Variants in AFAP1L1 observed in about 807,000 individuals in gnomAD.
The protein encoded by AFAP1L1 is actin filament associated protein 1 like 1, also known as actin filament-associated protein 1-like 1.
Under a neutral mutation model 99.8 loss-of-function variants are expected in AFAP1L1, and 77 were observed. The observed-to-expected ratio is 0.77, with a 90% CI of 0.64 to 0.93. The LOEUF is 0.93. Ranked by LOEUF, AFAP1L1 falls within the 40% of genes least tolerant of loss-of-function variation. The pLI is 0.00. For missense variants in AFAP1L1, 893 were observed against 996.8 expected, an observed-to-expected ratio of 0.90 and a Z score of 1.40; for synonymous variants, 373 against 395.3, an observed-to-expected ratio of 0.94 and a Z score of 0.67.
chr5:149,287,877 C>T (rs1022673849), intron 1 of AFAP1L1, among the ~76,000 whole-genome samples: 5 of 152,030 alleles, frequency 3.3e-5, no homozygotes, highest in Non-Finnish European at 7.4e-5. Flanking sequence ...CCACCTCACC[C>T]GGCCATGAGG....
intron 1 of AFAP1L1, among the ~76,000 whole-genome samples, chr5:149,285,270 T>C (rs1755642110): frequency 6.6e-6 from 1 of 152,098 alleles, no homozygotes; most frequent in Admixed American, 6.5e-5. Context: ...GCTTCCAGCC[T>C]CCCACCTAGA....
At chr5:149,331,632 A>C (rs1757261676) in intron 16 of AFAP1L1, among the ~76,000 whole-genome samples, 1 of 152,122 alleles carries the variant, frequency 6.6e-6, no homozygotes, top group African/African-American at 2.4e-5. Flanking sequence ...GAAAAAAAAA[A>C]AAAAATTGAA....
At chr5:149,278,546 G>A (rs1581283883) in intron 1 of AFAP1L1, among the ~76,000 whole-genome samples, 3 of 152,286 alleles carry the variant, frequency 2.0e-5, no homozygotes, top group Non-Finnish European at 4.4e-5. Flanking sequence ...CATCCCTCCA[G>A]GAAGCCTTTT....
chr5:149,307,065 G>A (rs1756437850), intron 6 of AFAP1L1, among the ~76,000 whole-genome samples: 1 of 152,094 alleles, frequency 6.6e-6, no homozygotes, highest in South Asian at 2.1e-4. Flanking sequence ...TGGCGAACAT[G>A]GTGAAACCCC....
In AFAP1L1 at chr5:149,290,105, C is replaced by T. The variant is rs144701137; in HGVS notation, c.17-9404C>T. Reference sequence around the variant, plus strand: ...AAAATTAGCCGGGCGTGGTAGCGCACGCCTGTAGTCCAAGCTACTCGGGAG... The same window carrying T: ...AAAATTAGCCGGGCGTGGTAGCGCATGCCTGTAGTCCAAGCTACTCGGGAG... On this transcript the variant is annotated intron_variant, in intron 1 of 18. Transcript: ENST00000296721. Among the ~76,000 whole-genome samples, 596 of 152,218 alleles carry T rather than the reference C, an allele frequency of 3.9e-3. 6 individuals carry two copies. The highest frequency in any genetic ancestry group is 0.013 in the African/African-American group (559 of 41,534).
chr5:149,298,604 T>C (rs1273227791), intron 1 of AFAP1L1, among the ~76,000 whole-genome samples: 1 of 152,230 alleles, frequency 6.6e-6, no homozygotes, highest in Admixed American at 6.5e-5. Context: ...TTAGCTTCTG[T>C]TATCATGCCT....
At chr5:149,328,347 G>C (rs1016643482) in intron 15 of AFAP1L1, among the ~76,000 whole-genome samples, 4 of 152,176 alleles carry the variant, frequency 2.6e-5, no homozygotes, top group Non-Finnish European at 5.9e-5. Flanking sequence ...CTTTCCCTAA[G>C]AGGTTGAACT....
intron 14 of AFAP1L1, among the ~76,000 whole-genome samples, chr5:149,321,722 CAAAAAAAAAAA>C (rs57366142): frequency 6.3e-5 from 4 of 63,768 alleles, no homozygotes; most frequent in Non-Finnish European, 1.2e-4. Flanking sequence ...GACTCTGTCT[CAAAAAAAAAAA>C]AAAAAAAAAA....
intron 15 of AFAP1L1, among the ~76,000 whole-genome samples, chr5:149,326,553 A>T (rs199590964): frequency 3.2e-4 from 38 of 118,052 alleles, no homozygotes; most frequent in African/African-American, 9.2e-4. Flanking sequence ...AATAAAAAAA[A>T]AAAAAAAAAG....
In AFAP1L1 at chr5:149,315,741, G is replaced by A. The variant is rs1260743363; in HGVS notation, c.1021-80G>A. ...ATTATCATGTGCTGGGGGAGTTGGA[G>A]GGAGATTGAACCAATAAAGGGAAAT... On this transcript the variant is annotated intron_variant, in intron 9 of 18. Transcript: ENST00000296721. The A allele has an allele frequency of 5.2e-6, 6 of 1,162,754 alleles. No individual in the cohort carries two copies. In the Admixed American group the frequency reaches 5.6e-5, roughly 11 times the overall value. 72.0% of individuals were successfully genotyped at this position (1,162,754 alleles called of 1,614,324 possible).
chr5:149,333,023 A>G, intron 17 of AFAP1L1, 150 bp downstream of exon 17: 1 of 1,120,636 alleles, frequency 8.9e-7, no homozygotes, highest in Non-Finnish European at 1.2e-6. Flanking sequence ...AGGGCATGCC[A>G]TGGGTGGCAC....
intron 17 of AFAP1L1, 108 bp from the exon 18 acceptor site, chr5:149,335,486 A>AAGTAAG: frequency 7.2e-7 from 1 of 1,396,622 alleles, no homozygotes; most frequent in Non-Finnish European, 9.6e-7. Context: ...TCTGTCTCAA[A>AAGTAAG]AATAAAAATA....
chr5:149,275,798 G>T (rs916129307), intron 1 of AFAP1L1, among the ~76,000 whole-genome samples: 2 of 152,182 alleles, frequency 1.3e-5, no homozygotes, highest in African/African-American at 4.8e-5. Flanking sequence ...GAGCCACCAT[G>T]CCCGGCCGTC....
chr5:149,307,533 A>G lies in AFAP1L1; in HGVS notation c.667A>G (p.Ile223Val). 2 of 1,614,076 alleles carry G rather than the reference A, an allele frequency of 1.2e-6. No individual in the cohort carries two copies. The highest frequency in any genetic ancestry group is 4.5e-5 in the East Asian group (2 of 44,858). ...ASMHLVRECR[I>V]CAFLLRKKRF... Reference sequence around the variant, plus strand: ...CATGCACCTGGTGAGGGAATGCAGGATATGTGCCTTCCTGCTGCGGAAAAA... The same window carrying G: ...CATGCACCTGGTGAGGGAATGCAGGGTATGTGCCTTCCTGCTGCGGAAAAA... The change falls in exon 7 of 19, where the codon ATA becomes GTA. Residue 223 changes from isoleucine (I) to valine (V), a missense_variant. Coordinates refer to ENST00000296721, the MANE Select transcript of AFAP1L1 (RefSeq NM_152406.4).
intron 1 of AFAP1L1, 51 bp from the exon 2 acceptor site, chr5:149,299,457 AC>A (rs1172172793): frequency 6.2e-7 from 1 of 1,604,330 alleles, no homozygotes; most frequent in East Asian, 2.2e-5. Flanking sequence ...ACTCCCGGGC[AC>A]AGAGCTGTGA....
intron 4 of AFAP1L1, among the ~76,000 whole-genome samples, chr5:149,302,064 C>T (rs117611305): frequency 6.6e-6 from 1 of 152,382 alleles, no homozygotes; most frequent in East Asian, 1.9e-4. Flanking sequence ...AGGCCTCACG[C>T]TTCCTTGTCC....
intron 1 of AFAP1L1, among the ~76,000 whole-genome samples, chr5:149,285,850 C>T (rs1019941214): frequency 2.0e-5 from 3 of 152,158 alleles, no homozygotes; most frequent in African/African-American, 7.2e-5. Context: ...TTGTCAGAGG[C>T]AGGATTCTTG....
intron 16 of AFAP1L1, among the ~76,000 whole-genome samples, chr5:149,332,292 G>A (rs1406886310): frequency 6.6e-6 from 1 of 152,208 alleles, no homozygotes; most frequent in Non-Finnish European, 1.5e-5. Flanking sequence ...AGCTACTTGG[G>A]AGGCTGAGGC....
chr5:149,302,638 C>A (rs1756266175), intron 5 of AFAP1L1, 112 bp downstream of exon 5: 2 of 912,858 alleles, frequency 2.2e-6, no homozygotes, highest in Admixed American at 2.6e-5. Flanking sequence ...ACCCTCCCAA[C>A]CATGTCACCA....
Sources: allele counts gnomAD v4.1 joint callset (sites outside exome capture counted in the v4.1 genomes callset), GRCh38; gene constraint gnomAD v4.1.1; transcripts MANE v1.5; gene names NCBI Gene and HGNC (gene_info 2026-07-23, HGNC 2026-07-21).